G3BP2: variants seen among roughly 807,000 people sequenced by gnomAD.
G3BP2 encodes the protein ras GTPase-activating protein-binding protein 2.
A neutral mutation model predicts 56.7 loss-of-function variants in G3BP2; 11 were observed. The ratio of observed to expected loss-of-function variants is 0.19; its 90% CI spans 0.12 to 0.32. The LOEUF (loss-of-function observed/expected upper bound fraction) is 0.32. Ranked by LOEUF, G3BP2 falls within the 10% of genes least tolerant of loss-of-function variation. G3BP2 has a pLI of 1.00. For missense variants in G3BP2, 340 were observed against 610.9 expected (o/e 0.56, Z 4.67); for synonymous variants, 165 against 191.6 (o/e 0.86, Z 1.15).
Position 75,673,266 on chromosome 4 carries a change from C to G in G3BP2, c.-83G>C. The G allele has an allele frequency of 8.2e-7, 1 of 1,224,650 alleles. No homozygotes were observed. The highest frequency in any genetic ancestry group is 1.0e-6 in the Non-Finnish European group (1 of 983,810). The allele number at this position is 1,224,650 out of a possible 1,614,324, so 75.9% of individuals were successfully genotyped here. ...GGAGGTCAGAAGAGTCGCTGAGGACCGGGTGCGGCGGGTTCTTATTGCTCG... is the reference window on the plus strand; with the variant it reads ...GGAGGTCAGAAGAGTCGCTGAGGACGGGGTGCGGCGGGTTCTTATTGCTCG... On this transcript the variant is annotated 5_prime_UTR_variant, in exon 1 of 12. Coordinates refer to ENST00000359707, the MANE Select transcript of G3BP2 (RefSeq NM_203505.3).
At chr4:75,674,718 A>ATATATATATATTTTTTT (rs1241041465), upstream of G3BP2, among the ~76,000 whole-genome samples, 1 of 71,424 alleles carries the variant, frequency 1.4e-5, no homozygotes, top group African/African-American at 5.9e-5. Context: ...ATATATATAT[A>ATATATATATATTTTTTT]TTTTTTTTTT....
chr4:75,645,186 A>C lies in G3BP2; in HGVS notation c.*244T>G, dbSNP rs1731125925. Reference sequence around the variant, plus strand: ...AAGTTCACTTTGTCGTAGATAGTTTAAGATATGGTCATTTCTCAGTCCTTA... The same window carrying C: ...AAGTTCACTTTGTCGTAGATAGTTTCAGATATGGTCATTTCTCAGTCCTTA... On this transcript the variant is annotated 3_prime_UTR_variant, in exon 12 of 12. Coordinates refer to ENST00000359707, the MANE Select transcript of G3BP2 (RefSeq NM_203505.3). The C allele has an allele frequency of 5.7e-6, 3 of 528,992 alleles. No individual in the cohort carries two copies. In the East Asian group the frequency reaches 9.8e-5, roughly 17 times the overall value. 32.8% of individuals were successfully genotyped at this position (528,992 alleles called of 1,614,324 possible). A position where few individuals can be genotyped will look rare whatever the true frequency, so the allele number is the denominator to read the frequency against.
At position 75,701,514 on chromosome 4, in the gene G3BP2, C is replaced by T. The variant is rs985592746; in HGVS notation, c.-25+19363G>A. ...ACGGATCTTGGCTCGCAGCAACCTC[C>T]GCCTCCCAGGTTCAAGAGATTCTCC... On this transcript the variant is annotated intron_variant, in intron 3 of 3. Coordinates refer to the G3BP2 transcript ENST00000499709. 7.9e-5 allele frequency among the ~76,000 whole-genome samples: 12 copies of T among 151,874 alleles called. No individual in the cohort carries two copies. The East Asian group carries it at 1.2e-3, about 15-fold the overall frequency.
intron 3 of G3BP2, among the ~76,000 whole-genome samples, chr4:75,714,320 A>G (rs796883705): frequency 2.6e-5 from 4 of 152,278 alleles, no homozygotes; most frequent in African/African-American, 9.6e-5. Flanking sequence ...GGGGGAAAAT[A>G]TATACATTTA....
chr4:75,681,931 GGTTACCT>G (rs1422128379), intron 3 of G3BP2, among the ~76,000 whole-genome samples: 4 of 151,936 alleles, frequency 2.6e-5, no homozygotes, highest in Non-Finnish European at 5.9e-5. Context: ...GTAAAGTAAG[GGTTACCT>G]GAACACAAAC....
At chr4:75,695,026 G>T in intron 3 of G3BP2, 2 of 664,378 alleles carry the variant, frequency 3.0e-6, no homozygotes, top group Non-Finnish European at 1.9e-6. Context: ...TCAAGAGCCA[G>T]TATCCAGAAG....
At chr4:75,670,538 G>T (rs984614610) in intron 1 of G3BP2, 22 of 152,172 alleles carry the variant, frequency 1.4e-4, no homozygotes, top group Admixed American at 1.4e-3. Flanking sequence ...AGTTGAGGGA[G>T]GCTAGTTTTA....
Position 75,684,737 on chromosome 4 carries a change from G to A in G3BP2, c.-24-22688C>T, listed in dbSNP as rs991548981. On this transcript the variant is annotated intron_variant, in intron 3 of 3. Transcript: ENST00000499709. ...TCTGAAGCCTAAGCATATTTTGGAA[G>A]GGTGGATATAGGGAATGTTTGTGAA... 2.0e-5 allele frequency among the ~76,000 whole-genome samples: 3 copies of A among 151,794 alleles called. No individual in the cohort carries two copies. The South Asian group carries it at 6.2e-4, about 32-fold the overall frequency.
chr4:75,689,311 A>G (rs1424627482), intron 3 of G3BP2, among the ~76,000 whole-genome samples: 3 of 151,506 alleles, frequency 2.0e-5, no homozygotes, highest in African/African-American at 7.3e-5. Flanking sequence ...CGGGAGGTGG[A>G]GGTTGCAGTG....
intron 3 of G3BP2, among the ~76,000 whole-genome samples, chr4:75,701,991 G>A (rs1166392927): frequency 2.0e-5 from 3 of 152,020 alleles, no homozygotes; most frequent in Admixed American, 2.0e-4. Flanking sequence ...CCCTCCCTGG[G>A]AGCAACCAGG....
upstream of G3BP2, among the ~76,000 whole-genome samples, chr4:75,674,866 G>A (rs1251820271): frequency 5.9e-5 from 9 of 151,268 alleles, no homozygotes; most frequent in East Asian, 1.8e-3. Context: ...GGGACTACAG[G>A]CGCATGCCAC....
In G3BP2 at chr4:75,655,081, T is replaced by C. The variant is rs759761997; in HGVS notation, c.711A>G (p.Pro237=). The C allele has an allele frequency of 8.1e-6, 13 of 1,610,854 alleles. No homozygotes were observed. The highest frequency in any genetic ancestry group is 7.7e-5 in the South Asian group (7 of 90,490). ...TPPPAEPVSL[P]QEPPKAFSWA... is the part of the protein sequence containing the mutation. Reference sequence around the variant, plus strand: ...TTGATCTAACCTTTGGTGGTTCTTGTGGCAGAGAAACAGGTTCTGCCGGAG... The same window carrying C: ...TTGATCTAACCTTTGGTGGTTCTTGCGGCAGAGAAACAGGTTCTGCCGGAG... The change falls in exon 7 of 12, where the codon CCA becomes CCG. Residue 237 remains proline (P), a synonymous_variant. Coordinates refer to ENST00000359707, the MANE Select transcript of G3BP2 (RefSeq NM_203505.3).
At chr4:75,648,165 T>C (rs1425993436) in intron 9 of G3BP2, among the ~76,000 whole-genome samples, 3 of 151,748 alleles carry the variant, frequency 2.0e-5, no homozygotes, top group Non-Finnish European at 2.9e-5. Flanking sequence ...TTGGCCAACA[T>C]GGTGAAACCC....
At chr4:75,648,903 A>C (rs1347381250) in intron 8 of G3BP2, 162 bp from the exon 9 acceptor site, 1 of 530,268 alleles carries the variant, frequency 1.9e-6, no homozygotes, top group Non-Finnish European at 3.4e-6. Flanking sequence ...TTTTATCAAG[A>C]TATTCTGTAC....
At chr4:75,674,643 C>T (rs1733765455), upstream of G3BP2, among the ~76,000 whole-genome samples, 1 of 147,456 alleles carries the variant, frequency 6.8e-6, no homozygotes, top group African/African-American at 2.5e-5. Flanking sequence ...TGTAATTATA[C>T]AGCCTTCTGA....
At chr4:75,646,159 C>T (rs1245842703) in intron 11 of G3BP2, among the ~76,000 whole-genome samples, 179 bp downstream of exon 11, 1 of 152,152 alleles carries the variant, frequency 6.6e-6, no homozygotes, top group Non-Finnish European at 1.5e-5. Flanking sequence ...TTCAGCAAAG[C>T]AAGTAACAAA....
At chr4:75,667,502 C>A (rs1733148278) in intron 1 of G3BP2, among the ~76,000 whole-genome samples, 1 of 152,176 alleles carries the variant, frequency 6.6e-6, no homozygotes, top group African/African-American at 2.4e-5. Context: ...GAATCTCACA[C>A]AGGAATGCAC....
At chr4:75,663,161 A>G (rs1297629212) in intron 1 of G3BP2, among the ~76,000 whole-genome samples, 2 of 152,270 alleles carry the variant, frequency 1.3e-5, no homozygotes, top group Non-Finnish European at 2.9e-5. Context: ...AAATATAAAC[A>G]AGCAAACTGG....
intron 8 of G3BP2, 44 bp downstream of exon 8, chr4:75,653,939 C>T: frequency 1.2e-6 from 1 of 834,878 alleles, no homozygotes; most frequent in Non-Finnish European, 2.0e-6. Flanking sequence ...AAGCAATTGG[C>T]AATGTAACAA....
Sources: gnomAD v4.1 joint callset for allele counts (sites outside exome capture counted in the v4.1 genomes callset) on GRCh38, gnomAD v4.1.1 for gene constraint, MANE v1.5 for transcripts, NCBI Gene and HGNC (gene_info 2026-07-23, HGNC 2026-07-21) for gene names.